The following SCN2A variants were observed in gnomAD, a reference collection of about 807,000 sequenced individuals.
SCN2A encodes sodium channel protein type 2 subunit alpha.
In SCN2A, 20 loss-of-function variants were observed where a neutral mutation model predicts 188.7. The ratio of observed to expected loss-of-function variants is 0.11; its 90% CI spans 0.07 to 0.15. The LOEUF (loss-of-function observed/expected upper bound fraction) is 0.15. Among genes scored for constraint, SCN2A ranks in the 10% least tolerant of loss-of-function variants. SCN2A has a pLI of 1.00. For synonymous variants in SCN2A, 804 were observed against 833.1 expected (o/e 0.97, Z 0.60); for missense variants, 1,278 against 2,445.0 (o/e 0.52, Z 10.07).
rs1057520898 is a variant in SCN2A at position 165,308,678 on chromosome 2, A to G, written c.489A>G (p.Thr163=). The change falls in exon 5 of 27, where the codon ACA becomes ACG. Residue 163 remains threonine, a synonymous_variant. Coordinates refer to ENST00000375437, the MANE Select transcript of SCN2A (RefSeq NM_001040142.2). ...DWTKNVEYTF[T]GIYTFESLIK... is the part of the protein sequence containing the mutation. ...TATTTTCTCTCAGGTATACCTTTAC[A>G]GGAATTTATACTTTTGAATCACTTA... The G allele has an allele frequency of 6.2e-7, 1 of 1,611,970 alleles. No homozygotes were observed. The highest frequency in any genetic ancestry group is 1.1e-5 in the South Asian group (1 of 91,044).
chr2:165,339,324 T>G (rs1699184032), intron 14 of SCN2A, among the ~76,000 whole-genome samples: 1 of 152,040 alleles, frequency 6.6e-6, no homozygotes, highest in Non-Finnish European at 1.5e-5. Flanking sequence ...TTAGAAAAAT[T>G]GAGTGCTTTC....
intron 1 of SCN2A, among the ~76,000 whole-genome samples, chr2:165,250,361 AATT>A (rs1694031245): frequency 1.3e-5 from 2 of 151,976 alleles, no homozygotes. Context: ...ATAGCTTTTA[AATT>A]TAGTGTTTGT....
chr2:165,262,561 A>C (rs1694644392), intron 1 of SCN2A, among the ~76,000 whole-genome samples: 1 of 151,980 alleles, frequency 6.6e-6, no homozygotes, highest in Non-Finnish European at 1.5e-5. Context: ...ATTCCTTTTT[A>C]AGACAAAGCA....
At chr2:165,323,076 A>G (rs556018686) in intron 11 of SCN2A, 80 bp from the exon 12 acceptor site, 10 of 1,312,632 alleles carry the variant, frequency 7.6e-6, no homozygotes, top group African/African-American at 1.5e-5. Flanking sequence ...CTATGACACA[A>G]TGAATCAAAT....
chr2:165,350,699 C>T (rs930312527), intron 16 of SCN2A, among the ~76,000 whole-genome samples: 4 of 23,806 alleles, frequency 1.7e-4, no homozygotes, highest in African/African-American at 6.0e-4. Context: ...GTCTCGATCT[C>T]CTGACCTCGT....
chr2:165,305,685 C>T (rs1049036231), intron 3 of SCN2A, among the ~76,000 whole-genome samples: 2 of 152,146 alleles, frequency 1.3e-5, no homozygotes, highest in Non-Finnish European at 2.9e-5. Context: ...AATATAATCT[C>T]AAATTATCCT....
chr2:165,366,875 C>T (rs1700758762), intron 18 of SCN2A, among the ~76,000 whole-genome samples: 1 of 151,760 alleles, frequency 6.6e-6, no homozygotes, highest in African/African-American at 2.4e-5. Flanking sequence ...GTAAAGTGTC[C>T]ATATAGAGTG....
At chr2:165,320,786 G>A (rs1698034991) in intron 11 of SCN2A, among the ~76,000 whole-genome samples, 1 of 152,202 alleles carries the variant, frequency 6.6e-6, no homozygotes, top group Admixed American at 6.5e-5. Flanking sequence ...GTGGGACTCT[G>A]GACCCGGCAC....
Position 165,367,384 on chromosome 2 carries a change from T to C in SCN2A, c.3675+13T>C, listed in dbSNP as rs2105359866. The C allele has an allele frequency of 3.1e-6, 5 of 1,613,772 alleles. No homozygotes were observed. Among genetic ancestry groups the C allele is most frequent in the East Asian group, 4.5e-5 (2 of 44,864 alleles). ...CAGTGGGGCTCTGGTAGGTGATGCA[T>C]GATCCACTCCTTCACCTTTCATCTG... On this transcript the variant is annotated intron_variant, in intron 19 of 26. Transcript: ENST00000375437.
rs1698398983 is a variant in SCN2A at position 165,327,110 on chromosome 2, C to T, written c.2149+126C>T. 18 of 1,227,866 alleles carry T rather than the reference C, an allele frequency of 1.5e-5. No individual in the cohort carries two copies. In the South Asian group the frequency reaches 2.1e-4, roughly 15 times the overall value. The allele number at this position is 1,227,866 out of a possible 1,614,324, so 76.1% of individuals were successfully genotyped here. A position where few individuals can be genotyped will look rare whatever the true frequency, so the allele number is the denominator to read the frequency against. ...CATTATTACACATTTTACTAAATAA[C>T]AGTAAAATCCGTGCATAACTCATGG... On this transcript the variant is annotated intron_variant, in intron 13 of 26. Coordinates refer to ENST00000375437, the MANE Select transcript of SCN2A (RefSeq NM_001040142.2).
In SCN2A at chr2:165,389,497, G is replaced by T. The variant is rs780700291; in HGVS notation, c.5691G>T (p.Thr1897=). The change falls in exon 27 of 27, where the codon ACG becomes ACT. Residue 1897 remains threonine (T), a synonymous_variant. Transcript: ENST00000375437. This position sits in a 1 kb window ranked among gnomAD's most constrained non-coding sequence, Gnocchi z 4.2. The part of the protein sequence containing the change: ...NPSKVSYEPI[T]TTLKRKQEEV... ...CCAAAGTCTCTTATGAGCCCATTAC[G>T]ACCACGTTGAAACGCAAACAAGAGG... The T allele has an allele frequency of 4.3e-6, 7 of 1,613,878 alleles. No homozygotes were observed. The South Asian group carries it at 6.6e-5, about 15-fold the overall frequency.
chr2:165,296,910 CA>C, intron 2 of SCN2A, 106 bp from the exon 3 acceptor site: 1 of 664,330 alleles, frequency 1.5e-6, no homozygotes, highest in Non-Finnish European at 2.7e-6. Flanking sequence ...TTATGTTATA[CA>C]CTATTTTACA....
intron 1 of SCN2A, among the ~76,000 whole-genome samples, chr2:165,264,961 TTTATA>T (rs1197050921): frequency 1.3e-5 from 2 of 152,142 alleles, no homozygotes; most frequent in African/African-American, 4.8e-5. Flanking sequence ...AATAGCGTGA[TTTATA>T]TTCCTTTGGG....
intron 17 of SCN2A, among the ~76,000 whole-genome samples, chr2:165,355,268 T>C (rs556051159): frequency 6.6e-6 from 1 of 152,282 alleles, no homozygotes; most frequent in African/African-American, 2.4e-5. Flanking sequence ...TTAACCCTAC[T>C]GAGCTCAGTG....
At chr2:165,284,360 T>C (rs1038665528) in intron 1 of SCN2A, among the ~76,000 whole-genome samples, 12 of 151,994 alleles carry the variant, frequency 7.9e-5, no homozygotes, top group Non-Finnish European at 1.3e-4. Context: ...TTAGTAGGGA[T>C]GGGGTTTCAC....
intron 16 of SCN2A, among the ~76,000 whole-genome samples, chr2:165,349,398 TC>T (rs1699768591): frequency 6.6e-6 from 1 of 152,180 alleles, no homozygotes; most frequent in Non-Finnish European, 1.5e-5. Flanking sequence ...GTGATATTTT[TC>T]AGAAATATAC....
At chr2:165,378,152 T>C (rs1177668403) in intron 23 of SCN2A, among the ~76,000 whole-genome samples, 1 of 151,454 alleles carries the variant, frequency 6.6e-6, no homozygotes, top group Non-Finnish European at 1.5e-5. Context: ...ACCAGTACTT[T>C]GAATTCTTTT....
In SCN2A at chr2:165,311,876, T is replaced by C. The variant is rs1463396207; in HGVS notation, c.971-149T>C. 7 of 643,868 alleles carry C rather than the reference T, an allele frequency of 1.1e-5. No homozygotes were observed. In the African/African-American group the frequency reaches 1.1e-4, roughly 10 times the overall value. 39.9% of individuals were successfully genotyped at this position (643,868 alleles called of 1,614,324 possible). On this transcript the variant is annotated intron_variant, in intron 7 of 26. Coordinates refer to ENST00000375437, the MANE Select transcript of SCN2A (RefSeq NM_001040142.2). ...GTTATATATTGATATTTGTTCAATA[T>C]TGTGAAAAATCTCTTTAGCCATATA...
chr2:165,340,342 G>A (rs777532675), intron 14 of SCN2A, among the ~76,000 whole-genome samples: 61 of 152,172 alleles, frequency 4.0e-4, no homozygotes, highest in Non-Finnish European at 5.4e-4. Flanking sequence ...ATACACATGG[G>A]TGAATTTCAA....
Sources: gnomAD v4.1 joint callset for allele counts (sites outside exome capture counted in the v4.1 genomes callset) on GRCh38, gnomAD v4.1.1 for gene constraint, Gnocchi (gnomAD v3.1) non-coding constraint, MANE v1.5 for transcripts, NCBI Gene and HGNC (gene_info 2026-07-23, HGNC 2026-07-21) for gene names.